DRC7: variants seen among roughly 807,000 people sequenced by gnomAD.
The protein encoded by DRC7 is coiled-coil domain containing 135.
Under a neutral mutation model 104.4 loss-of-function variants are expected in DRC7, and 80 were observed. The observed-to-expected ratio is 0.77, with a 90% confidence interval of 0.64 to 0.92. The LOEUF (loss-of-function observed/expected upper bound fraction) is 0.92, where lower values mean the gene tolerates loss of function less well. Among genes scored for constraint, DRC7 ranks in the 40% least tolerant of loss-of-function variants. The pLI is 0.00. For missense variants in DRC7, 1,034 were observed against 1,141.1 expected (o/e 0.91, Z 1.35); for synonymous variants, 405 against 447.3 (o/e 0.91, Z 1.19).
Position 57,721,651 on chromosome 16 carries a change from C to G in DRC7, c.1207-16C>G, listed in dbSNP as rs373512721. ...CTGACCAGCACCACCTCCCCCACCCCCTTCTCTCCCATCAGGGCAAGGAGG... is the reference window on the plus strand; with the variant it reads ...CTGACCAGCACCACCTCCCCCACCCGCTTCTCTCCCATCAGGGCAAGGAGG... On this transcript the variant is annotated splice_polypyrimidine_tract_variant and intron_variant, in intron 9 of 18. Transcript: ENST00000360716. 5.6e-6 allele frequency: 9 copies of G among 1,607,718 alleles called. No individual in the cohort carries two copies. Among genetic ancestry groups the G allele is most frequent in the African/African-American group, 5.3e-5 (4 of 74,796 alleles).
chr16:57,711,699 C>T (rs1290711961), intron 8 of DRC7, among the ~76,000 whole-genome samples: 1 of 152,224 alleles, frequency 6.6e-6, no homozygotes, highest in Non-Finnish European at 1.5e-5. Flanking sequence ...TTTGTTATTA[C>T]TCAAATCAGT....
rs144978452 is a variant in DRC7 at position 57,711,081 on chromosome 16, A to G, written c.1077+3403A>G. On this transcript the variant is annotated intron_variant, in intron 8 of 18. Transcript: ENST00000360716. Reference sequence around the variant, plus strand: ...ATGATTTCCTTTGTACGTTTGCTGGACTTCACAAGTGAAGCCATCTGGGGC... The same window carrying G: ...ATGATTTCCTTTGTACGTTTGCTGGGCTTCACAAGTGAAGCCATCTGGGGC... Among the ~76,000 whole-genome samples the G allele has an allele frequency of 1.1e-3, 169 of 152,296 alleles. 1 individual carries two copies. Among genetic ancestry groups the G allele is most frequent in the African/African-American group, 3.8e-3 (159 of 41,560 alleles).
At chr16:57,715,122 A>G (rs532646407) in intron 8 of DRC7, among the ~76,000 whole-genome samples, 217 of 151,818 alleles carry the variant, frequency 1.4e-3, no homozygotes, top group African/African-American at 4.7e-3. Flanking sequence ...ATCTTGGCAC[A>G]CTGCAATCCC....
intron 6 of DRC7, 96 bp from the exon 7 acceptor site, chr16:57,704,765 GCTGCCATCCCCCGGT>G: frequency 7.9e-7 from 1 of 1,272,922 alleles, no homozygotes. Context: ...TACAGGAGTA[GCTGCCATCCCCCGGT>G]CTGAGGGACT....
At chr16:57,722,582 C>G in intron 10 of DRC7, 131 bp from the exon 11 acceptor site, 1 of 1,277,162 alleles carries the variant, frequency 7.8e-7, no homozygotes, top group South Asian at 1.4e-5. Flanking sequence ...CTCGGCCTCC[C>G]TGGATCAGGC....
In DRC7 at chr16:57,727,293, T is replaced by C. The variant is rs771934639; in HGVS notation, c.2086-6T>C. On this transcript the variant is annotated splice_region_variant and splice_polypyrimidine_tract_variant and intron_variant, in intron 15 of 18. Transcript: ENST00000360716. ...CCATCACGCCCTCCAACACTTCTCA[T>C]TTCAGGTGCTGGAGATTCTGAAGCT... is the stretch of plus-strand genomic sequence containing the variant. 29 of 1,611,862 alleles carry C rather than the reference T, an allele frequency of 1.8e-5. No homozygotes were observed. The highest frequency in any genetic ancestry group is 2.5e-5 in the Non-Finnish European group (29 of 1,178,852).
At chr16:57,725,950 C>T (rs2048957505) in intron 13 of DRC7, 118 bp from the exon 14 acceptor site, 2 of 882,286 alleles carry the variant, frequency 2.3e-6, no homozygotes, top group Non-Finnish European at 3.6e-6. Context: ...CGTGAATCGC[C>T]AAACGACCCC....
intron 8 of DRC7, among the ~76,000 whole-genome samples, chr16:57,708,878 C>T (rs1567877390): frequency 6.6e-6 from 1 of 152,102 alleles, no homozygotes; most frequent in African/African-American, 2.4e-5. Flanking sequence ...CCTGTAATCC[C>T]AGCACTTTGG....
At chr16:57,726,307 C>T (rs768254846) in intron 14 of DRC7, 24 bp downstream of exon 14, 2 of 1,594,132 alleles carry the variant, frequency 1.3e-6, no homozygotes, top group South Asian at 2.2e-5. Context: ...CCACGGCGGG[C>T]AGGGGTCGGC....
In DRC7 at chr16:57,722,843, T is replaced by C. The variant is rs1327828512; in HGVS notation, c.1408+2T>C. ...TCACCACCTATGAGGACTTGCAGTG[T>C]AAGGGGGATTGCTCTGGACATGGGT... is the stretch of plus-strand genomic sequence containing the variant. On this transcript the variant is annotated splice_donor_variant, in intron 11 of 18. Coordinates refer to ENST00000360716, the MANE Select transcript of DRC7 (RefSeq NM_001289162.2). LOFTEE classifies it high-confidence loss of function. 1 of 1,613,482 alleles carries C rather than the reference T, an allele frequency of 6.2e-7. No homozygotes were observed. Among genetic ancestry groups the C allele is most frequent in the African/African-American group, 1.3e-5 (1 of 74,866 alleles).
At position 57,698,166 on chromosome 16, in the gene DRC7, G is replaced by C; in HGVS notation, c.203+14G>C. The C allele has an allele frequency of 1.2e-6, 2 of 1,613,816 alleles. No individual in the cohort carries two copies. Among genetic ancestry groups the C allele is most frequent in the Non-Finnish European group, 1.7e-6 (2 of 1,179,948 alleles). On this transcript the variant is annotated intron_variant, in intron 3 of 18. Coordinates refer to ENST00000360716, the MANE Select transcript of DRC7 (RefSeq NM_001289162.2). ...AGCGGAGCTCCCGTGAGTGTGGCAG[G>C]GTGGGGGCCCTGGCAAGGGTAGACC...
intron 8 of DRC7, among the ~76,000 whole-genome samples, chr16:57,713,606 T>C (rs1447712530): frequency 6.6e-6 from 1 of 152,240 alleles, no homozygotes; most frequent in African/African-American, 2.4e-5. Flanking sequence ...TGTGAGTCCA[T>C]TAAACCTCTT....
At chr16:57,726,791 A>G (rs199958933) in intron 14 of DRC7, 41 bp from the exon 15 acceptor site, 2 of 1,356,182 alleles carry the variant, frequency 1.5e-6, no homozygotes, top group East Asian at 2.4e-5. Context: ...TGCCCCGATC[A>G]TGGCAGCCTC....
chr16:57,713,051 T>G (rs1022144172), intron 8 of DRC7, among the ~76,000 whole-genome samples: 6 of 152,254 alleles, frequency 3.9e-5, no homozygotes, highest in African/African-American at 1.4e-4. Flanking sequence ...ATTTCTAATT[T>G]AATTCTGTAG....
chr16:57,696,009 A>G (rs2048589315), intron 1 of DRC7, among the ~76,000 whole-genome samples: 1 of 152,234 alleles, frequency 6.6e-6, no homozygotes, highest in African/African-American at 2.4e-5. Flanking sequence ...GGGGATGATT[A>G]GAAAATCAAG....
At position 57,724,702 on chromosome 16, in the gene DRC7, A is replaced by C; in HGVS notation, c.1625A>C (p.Glu542Ala). 6.2e-7 allele frequency: 1 copy of C among 1,613,842 alleles called. No individual in the cohort carries two copies. Among genetic ancestry groups the C allele is most frequent in the South Asian group, 1.1e-5 (1 of 91,084 alleles). The change falls in exon 13 of 19, where the codon GAG becomes GCG. Residue 542 changes from glutamate (E) to alanine (A), a missense_variant. Glu to Ala is a moderately radical substitution (Grantham distance 107). Transcript: ENST00000360716. ...TARVDGLMKR[E>A]ETPRTMTEYY... is the part of the protein sequence containing the mutation. ...CGTGTGGATGGCCTGATGAAGCGGG[A>C]GGAGACACCCAGGACAATGACAGAG...
At chr16:57,719,773 G>A (rs1257852744) in intron 9 of DRC7, among the ~76,000 whole-genome samples, 1 of 152,116 alleles carries the variant, frequency 6.6e-6, no homozygotes, top group Non-Finnish European at 1.5e-5. Flanking sequence ...CTCCCAAAGT[G>A]TTGGTATTAC....
chr16:57,725,915 T>TGGGAGTGGAGTG (rs2148770328), intron 13 of DRC7, 153 bp from the exon 14 acceptor site: 1 of 662,626 alleles, frequency 1.5e-6, no homozygotes, highest in South Asian at 1.8e-5. Context: ...CGAAATCCAT[T>TGGGAGTGGAGTG]GTCTGGCTAG....
At chr16:57,714,729 A>T in intron 8 of DRC7, 1 of 343,448 alleles carries the variant, frequency 2.9e-6, no homozygotes, top group South Asian at 2.4e-5. Context: ...ATGTCACAGC[A>T]CTGTTTGCCA....
Sources: gnomAD v4.1 joint callset for allele counts (sites outside exome capture counted in the v4.1 genomes callset) on GRCh38, gnomAD v4.1.1 for gene constraint, MANE v1.5 for transcripts, NCBI Gene and HGNC (gene_info 2026-07-23, HGNC 2026-07-21) for gene names.